The following SPAG17 variants were observed in gnomAD, a reference collection of about 807,000 sequenced individuals.
The protein encoded by SPAG17 is sperm associated antigen 17.
Under a neutral mutation model 273.6 loss-of-function variants are expected in SPAG17, and 169 were observed. The observed-to-expected ratio is 0.62, with a 90% CI of 0.55 to 0.70. The LOEUF is 0.70. SPAG17 is among the 30% of genes least tolerant of loss of function. SPAG17 has a pLI of 0.00. For missense variants in SPAG17, 2,557 were observed against 2,627.8 expected, an observed-to-expected ratio of 0.97 and a Z score of 0.59; for synonymous variants, 825 against 873.2, an observed-to-expected ratio of 0.94 and a Z score of 0.97.
intron 13 of SPAG17, among the ~76,000 whole-genome samples, chr1:118,084,076 T>C (rs1052722544): frequency 5.9e-5 from 9 of 151,770 alleles, no homozygotes; most frequent in Admixed American, 5.2e-4. Flanking sequence ...GAAGGGAGAA[T>C]GGAGTCACAT....
chr1:117,996,946 C>T (rs1025419257), intron 32 of SPAG17, among the ~76,000 whole-genome samples: 9 of 151,922 alleles, frequency 5.9e-5, no homozygotes, highest in Admixed American at 2.0e-4. Flanking sequence ...ATAAATGACA[C>T]CTAGAACAGG....
At chr1:117,998,067 C>G (rs941593404) in intron 32 of SPAG17, among the ~76,000 whole-genome samples, 6 of 151,990 alleles carry the variant, frequency 3.9e-5, no homozygotes, top group Admixed American at 1.3e-4. Context: ...TAATTAGGTC[C>G]CATTTGTCAG....
intron 35 of SPAG17, among the ~76,000 whole-genome samples, chr1:117,993,046 A>G (rs977569286): frequency 2.0e-5 from 3 of 152,208 alleles, no homozygotes; most frequent in Non-Finnish European, 4.4e-5. Flanking sequence ...ATTTTGACCT[A>G]GAAAGATTCT....
intron 1 of SPAG17, among the ~76,000 whole-genome samples, chr1:118,168,130 G>A (rs1411874567): frequency 6.6e-6 from 1 of 152,132 alleles, no homozygotes; most frequent in Non-Finnish European, 1.5e-5. Flanking sequence ...TTTCTTTATA[G>A]CAATACAAGA....
chr1:117,956,814 AT>A (rs1245682911), intron 48 of SPAG17, among the ~76,000 whole-genome samples: 1 of 152,196 alleles, frequency 6.6e-6, no homozygotes, highest in Non-Finnish European at 1.5e-5. Context: ...CTTTGGAGAT[AT>A]TGTTTATCTG....
intron 32 of SPAG17, among the ~76,000 whole-genome samples, chr1:118,005,041 T>C (rs1254262089): frequency 6.6e-6 from 1 of 152,220 alleles, no homozygotes; most frequent in African/African-American, 2.4e-5. Flanking sequence ...ACTCTGTGAC[T>C]ACTCAAAGAA....
intron 3 of SPAG17, among the ~76,000 whole-genome samples, chr1:118,124,933 T>C (rs563258949): frequency 2.5e-3 from 385 of 152,334 alleles, no homozygotes; most frequent in African/African-American, 8.9e-3. Flanking sequence ...CCTCTTCTCC[T>C]GGGCATGGAT....
intron 15 of SPAG17, among the ~76,000 whole-genome samples, chr1:118,077,447 T>C (rs1654194275): frequency 6.6e-6 from 1 of 152,160 alleles, no homozygotes; most frequent in South Asian, 2.1e-4. Flanking sequence ...TATAATAATC[T>C]ACTTTATTCC....
At chr1:117,989,293 C>T (rs1229707793) in intron 38 of SPAG17, among the ~76,000 whole-genome samples, 2 of 152,090 alleles carry the variant, frequency 1.3e-5, no homozygotes, top group Non-Finnish European at 2.9e-5. Flanking sequence ...AAGCATGGTG[C>T]GGTCATCTGC....
In SPAG17 at chr1:118,054,615, G is replaced by T. The variant is rs544752133; in HGVS notation, c.2723-522C>A. Among the ~76,000 whole-genome samples the T allele has an allele frequency of 5.7e-4, 86 of 152,146 alleles. 1 individual carries two copies. The South Asian group carries it at 0.017, about 31-fold the overall frequency. On this transcript the variant is annotated intron_variant, in intron 19 of 48. Coordinates refer to ENST00000336338, the MANE Select transcript of SPAG17 (RefSeq NM_206996.4). Reference sequence around the variant, plus strand: ...TTTTCAGTAGAATTATAAAGAAAAGGCAGTAAACTCACATTTTTTTCTTAC... The same window carrying T: ...TTTTCAGTAGAATTATAAAGAAAAGTCAGTAAACTCACATTTTTTTCTTAC...
chr1:118,048,620 G>C (rs1286691686), intron 20 of SPAG17, among the ~76,000 whole-genome samples: 1 of 152,138 alleles, frequency 6.6e-6, no homozygotes, highest in Non-Finnish European at 1.5e-5. Flanking sequence ...AGGATCAGCC[G>C]GGCGCAGTGG....
intron 18 of SPAG17, among the ~76,000 whole-genome samples, chr1:118,060,919 C>A (rs560238355): frequency 6.6e-6 from 1 of 152,270 alleles, no homozygotes; most frequent in East Asian, 1.9e-4. Context: ...CCAGTCTTTA[C>A]TGGCTAGATT....
chr1:118,119,585 A>G (rs1657300360), intron 3 of SPAG17, among the ~76,000 whole-genome samples: 1 of 152,158 alleles, frequency 6.6e-6, no homozygotes, highest in Non-Finnish European at 1.5e-5. Context: ...TTCATATTCA[A>G]CCTATTTTGG....
At chr1:118,118,422 T>C (rs904351052) in intron 3 of SPAG17, among the ~76,000 whole-genome samples, 4 of 152,120 alleles carry the variant, frequency 2.6e-5, no homozygotes, top group African/African-American at 4.8e-5. Flanking sequence ...GGGGAGTAAT[T>C]AGGCAAAAAT....
intron 3 of SPAG17, among the ~76,000 whole-genome samples, chr1:118,126,117 C>T (rs1239333766): frequency 2.7e-5 from 4 of 148,686 alleles, no homozygotes; most frequent in Non-Finnish European, 5.9e-5. Flanking sequence ...TTTGTATTTC[C>T]CTGATTAGTG....
chr1:117,991,490 C>A lies in SPAG17; in HGVS notation c.5400G>T (p.Leu1800=), dbSNP rs945158955. The change falls in exon 37 of 49, where the codon CTG becomes CTT. Residue 1800 remains leucine (L), a synonymous_variant. Coordinates refer to ENST00000336338, the MANE Select transcript of SPAG17 (RefSeq NM_206996.4). Reference sequence around the variant, plus strand: ...TGGAATCTTTAACCATCATTTCCTGCAGCTCATCTTCTTTCTTTAGAATAT... The same window carrying A: ...TGGAATCTTTAACCATCATTTCCTGAAGCTCATCTTCTTTCTTTAGAATAT... The part of the protein sequence containing the change: ...INYILKKEDE[L]QEMMVKDSRT... 1 of 1,611,818 alleles carries A rather than the reference C, an allele frequency of 6.2e-7. No individual in the cohort carries two copies. The highest frequency in any genetic ancestry group is 8.5e-7 in the Non-Finnish European group (1 of 1,178,446).
At chr1:118,160,380 T>C (rs1254055348) in intron 1 of SPAG17, among the ~76,000 whole-genome samples, 3 of 152,236 alleles carry the variant, frequency 2.0e-5, no homozygotes, top group Non-Finnish European at 4.4e-5. Context: ...TAAATGTCAT[T>C]TATACATTAA....
At chr1:118,104,903 A>G (rs1327217480) in intron 4 of SPAG17, among the ~76,000 whole-genome samples, 1 of 152,138 alleles carries the variant, frequency 6.6e-6, no homozygotes, top group African/African-American at 2.4e-5. Context: ...GCAAGGGGGT[A>G]TGAGGTCAAG....
chr1:118,041,823 C>T lies in SPAG17; in HGVS notation c.3034G>A (p.Glu1012Lys), dbSNP rs765876991. 17 of 1,612,082 alleles carry T rather than the reference C, an allele frequency of 1.1e-5. No homozygotes were observed. In the African/African-American group the frequency reaches 1.1e-4, roughly 10 times the overall value. Residue 1012 changes from glutamate (E) to lysine (K), a missense_variant, in exon 21 of 49, where the codon GAA becomes AAA. Glu to Lys is a moderately conservative substitution (Grantham distance 56). Transcript: ENST00000336338. Reference sequence around the variant, plus strand: ...TTTACCGGGTAAGTTATCTTAGGTTCTGGTTGGTGGGGGGACTCTTCTGTT... The same window carrying T: ...TTTACCGGGTAAGTTATCTTAGGTTTTGGTTGGTGGGGGGACTCTTCTGTT... ...EVTEESPHQP[E>K]PKITYPFHGY...
Sources: allele counts gnomAD v4.1 joint callset (sites outside exome capture counted in the v4.1 genomes callset), GRCh38; gene constraint gnomAD v4.1.1; transcripts MANE v1.5; gene names NCBI Gene and HGNC (gene_info 2026-07-23, HGNC 2026-07-21).